TMEM132B: variants seen among roughly 807,000 people sequenced by gnomAD.
TMEM132B encodes the protein transmembrane protein 132B.
Under a neutral mutation model 90.8 loss-of-function variants are expected in TMEM132B, and 18 were observed. The observed-to-expected ratio is 0.20, with a 90% CI of 0.14 to 0.29. TMEM132B has a LOEUF of 0.29. Among genes scored for constraint, TMEM132B ranks in the 10% least tolerant of loss-of-function variants. The pLI, the probability that TMEM132B is intolerant of heterozygous loss-of-function variation, is 1.00. For synonymous variants in TMEM132B, 504 were observed against 523.3 expected (o/e 0.96, Z 0.50); for missense variants, 1,096 against 1,326.8 (o/e 0.83, Z 2.70).
intron 3 of TMEM132B, among the ~76,000 whole-genome samples, chr12:125,441,535 A>G (rs1040332663): frequency 5.3e-5 from 8 of 152,324 alleles, no homozygotes; most frequent in Non-Finnish European, 1.2e-4. Context: ...CTTTGGATGC[A>G]CTTTTGTGTT....
At chr12:125,411,255 C>T (rs1380953474) in intron 2 of TMEM132B, among the ~76,000 whole-genome samples, 1 of 147,458 alleles carries the variant, frequency 6.8e-6, no homozygotes, top group South Asian at 2.2e-4. Context: ...GATGCCCACA[C>T]AAGAACAGAA....
intron 4 of TMEM132B, among the ~76,000 whole-genome samples, chr12:125,559,259 G>A (rs1884463717): frequency 6.6e-6 from 1 of 152,128 alleles, no homozygotes; most frequent in South Asian, 2.1e-4. Context: ...CTACCACTCA[G>A]GAGGCTGAAG....
intron 1 of TMEM132B, among the ~76,000 whole-genome samples, chr12:125,300,156 C>T (rs1452175577): frequency 6.6e-6 from 1 of 152,206 alleles, no homozygotes; most frequent in Admixed American, 6.5e-5. Flanking sequence ...AACCCCTCTC[C>T]CTACCCCAGC....
At chr12:125,271,158 G>A (rs142436160) in intron 1 of TMEM132B, among the ~76,000 whole-genome samples, 234 of 152,174 alleles carry the variant, frequency 1.5e-3, no homozygotes, top group African/African-American at 5.0e-3. Flanking sequence ...TTGTAGAGAA[G>A]GAGACTCACT....
rs946147565 is a variant in TMEM132B, at chr12:125,251,706, T to G, written c.67+64840T>G. Among the ~76,000 whole-genome samples the G allele has an allele frequency of 7.2e-5, 11 of 152,196 alleles. No individual in the cohort carries two copies. Among genetic ancestry groups the G allele is most frequent in the African/African-American group, 2.7e-4 (11 of 41,458 alleles). ...CATGTTCCCCAGATGAAGGGGACAG[T>G]GGTAACTCAGTTCTAGTTTATTGGT... On this transcript the variant is annotated intron_variant, in intron 1 of 8. Transcript: ENST00000682704. This position sits in a 1 kb window ranked among gnomAD's most constrained non-coding sequence, Gnocchi z 4.4.
At chr12:125,187,658 C>T (rs1327756419) in intron 1 of TMEM132B, among the ~76,000 whole-genome samples, 1 of 152,180 alleles carries the variant, frequency 6.6e-6, no homozygotes, top group Non-Finnish European at 1.5e-5. Flanking sequence ...GTGGGAAAAG[C>T]AAAATAGTCA....
chr12:125,456,424 A>T (rs1234599437), intron 3 of TMEM132B, among the ~76,000 whole-genome samples: 1 of 152,212 alleles, frequency 6.6e-6, no homozygotes, highest in East Asian at 1.9e-4. Flanking sequence ...AAACAGTCTA[A>T]AAACGCCTCC....
chr12:125,654,912 A>G lies in TMEM132B; in HGVS notation c.*202A>G, dbSNP rs1418139926. The G allele has an allele frequency of 3.4e-5, 20 of 584,596 alleles. No individual in the cohort carries two copies. Among genetic ancestry groups the G allele is most frequent in the Non-Finnish European group, 5.3e-5 (18 of 341,552 alleles). 36.2% of individuals were successfully genotyped at this position (584,596 alleles called of 1,614,324 possible). A position where few individuals can be genotyped will look rare whatever the true frequency, so the allele number is the denominator to read the frequency against. ...TTGGAAATGCCTCTAAAACAGCCAC[A>G]TGTGGGGACTGGAGAAATTCTAAGA... is the stretch of plus-strand genomic sequence containing the variant. On this transcript the variant is annotated 3_prime_UTR_variant, in exon 9 of 9. Coordinates refer to ENST00000682704, the MANE Select transcript of TMEM132B (RefSeq NM_001366854.1). The surrounding 1 kb of genome is among the most constrained non-coding windows in gnomAD (Gnocchi z 5.8).
chr12:125,337,627 C>T (rs753536656), intron 1 of TMEM132B, among the ~76,000 whole-genome samples: 1 of 152,170 alleles, frequency 6.6e-6, no homozygotes, highest in Non-Finnish European at 1.5e-5. Context: ...ATTTTCCTCT[C>T]CTTGACAGGT....
In TMEM132B at chr12:125,407,102, C is replaced by T. The variant is rs1202071420; in HGVS notation, c.960-8429C>T. 6.6e-6 allele frequency among the ~76,000 whole-genome samples: 1 copy of T among 152,192 alleles called. No homozygotes were observed. The highest frequency in any genetic ancestry group is 1.5e-5 in the Non-Finnish European group (1 of 68,042). ...GGTCACATAGACATGGCTGACTCTC[C>T]AGTCCCTCCAGTGGTCAAGCAGATC... is the stretch of plus-strand genomic sequence containing the variant. On this transcript the variant is annotated intron_variant, in intron 2 of 8. Coordinates refer to ENST00000682704, the MANE Select transcript of TMEM132B (RefSeq NM_001366854.1). The surrounding 1 kb of genome is among the most constrained non-coding windows in gnomAD (Gnocchi z 6.7).
chr12:125,223,279 G>A (rs1873601713), intron 1 of TMEM132B, among the ~76,000 whole-genome samples: 1 of 152,208 alleles, frequency 6.6e-6, no homozygotes, highest in Non-Finnish European at 1.5e-5. Flanking sequence ...TCATGTTACA[G>A]AAGTCAAATG....
At chr12:125,293,611 C>T (rs1288190904) in intron 1 of TMEM132B, among the ~76,000 whole-genome samples, 3 of 152,212 alleles carry the variant, frequency 2.0e-5, no homozygotes, top group African/African-American at 7.2e-5. Flanking sequence ...ATCCATGTTG[C>T]TGCAAAGGAC....
At chr12:125,485,883 G>A (rs926584067) in intron 3 of TMEM132B, among the ~76,000 whole-genome samples, 9 of 152,182 alleles carry the variant, frequency 5.9e-5, no homozygotes, top group African/African-American at 2.2e-4. Flanking sequence ...ACCAATTAGA[G>A]TCCACCTCGA....
chr12:125,494,089 T>C (rs1745384943), intron 3 of TMEM132B, among the ~76,000 whole-genome samples: 2 of 88,486 alleles, frequency 2.3e-5, no homozygotes, highest in African/African-American at 4.5e-5. Flanking sequence ...CTCTCCTTCC[T>C]CCCTGAAAAT....
intron 3 of TMEM132B, among the ~76,000 whole-genome samples, chr12:125,439,861 A>G (rs1880817683): frequency 6.6e-6 from 1 of 152,066 alleles, no homozygotes; most frequent in African/African-American, 2.4e-5. Context: ...TAGTTTTTTG[A>G]CAGTTTTGAG....
rs1344475662 is a variant in TMEM132B at position 125,641,041 on chromosome 12, AC to A, written c.1438-3034del. Among the ~76,000 whole-genome samples the A allele has an allele frequency of 4.2e-4, 64 of 152,118 alleles. 1 individual carries two copies. Among genetic ancestry groups the A allele is most frequent in the African/African-American group, 1.5e-3 (63 of 41,416 alleles). On this transcript the variant is annotated intron_variant, in intron 5 of 8. Transcript: ENST00000682704. ...TGACTTGTCTGAGGCTGCCTCACTAACAGGTGCCAGAGTAGGGATTCAGATT... is the reference window on the plus strand; with the variant it reads ...TGACTTGTCTGAGGCTGCCTCACTAAAGGTGCCAGAGTAGGGATTCAGATT...
chr12:125,550,394 ATTAG>A (rs1884196528), intron 4 of TMEM132B, among the ~76,000 whole-genome samples: 2 of 152,096 alleles, frequency 1.3e-5, no homozygotes, highest in African/African-American at 2.4e-5. Context: ...TCCATCTTTT[ATTAG>A]TTAGTAATTT....
At chr12:125,231,679 G>T (rs1873827426) in intron 1 of TMEM132B, among the ~76,000 whole-genome samples, 1 of 151,958 alleles carries the variant, frequency 6.6e-6, no homozygotes, top group Admixed American at 6.6e-5. Flanking sequence ...CAGGGTAGAA[G>T]CTTGCTAAGG....
Position 125,406,785 on chromosome 12 carries a change from C to A in TMEM132B, c.960-8746C>A, listed in dbSNP as rs1262696685. On this transcript the variant is annotated intron_variant, in intron 2 of 8. Coordinates refer to ENST00000682704, the MANE Select transcript of TMEM132B (RefSeq NM_001366854.1). The surrounding 1 kb of genome is among the most constrained non-coding windows in gnomAD (Gnocchi z 8.3). Reference sequence around the variant, plus strand: ...TGCAAGTCTGGAGGGTCCCCAAGACCACCCTCAGGTTCAGTAATTTTCTAG... The same window carrying A: ...TGCAAGTCTGGAGGGTCCCCAAGACAACCCTCAGGTTCAGTAATTTTCTAG... 6.6e-6 allele frequency among the ~76,000 whole-genome samples: 1 copy of A among 152,166 alleles called. No homozygotes were observed. The highest frequency in any genetic ancestry group is 1.5e-5 in the Non-Finnish European group (1 of 68,038).
Sources: gnomAD v4.1 joint callset for allele counts (sites outside exome capture counted in the v4.1 genomes callset) on GRCh38, gnomAD v4.1.1 for gene constraint, Gnocchi (gnomAD v3.1) non-coding constraint, MANE v1.5 for transcripts, NCBI Gene and HGNC (gene_info 2026-07-23, HGNC 2026-07-21) for gene names.